Variants in SLC35A1 observed in about 807,000 individuals in gnomAD.
SLC35A1 encodes solute carrier family 35 member A1, also known as CMP-sialic acid transporter.
A neutral mutation model predicts 40.3 loss-of-function variants in SLC35A1; 21 were observed. The ratio of observed to expected loss-of-function variants is 0.52; its 90% CI spans 0.37 to 0.75. The LOEUF (loss-of-function observed/expected upper bound fraction) is 0.75, where lower values mean the gene tolerates loss of function less well. Among genes scored for constraint, SLC35A1 ranks in the 30% least tolerant of loss-of-function variants. The pLI is 0.00. For missense variants in SLC35A1, 297 were observed against 382.1 expected (o/e 0.78, Z 1.86); for synonymous variants, 146 against 147.3 (o/e 0.99, Z 0.06).
chr6:87,491,884 C>T (rs957050939), intron 2 of SLC35A1, among the ~76,000 whole-genome samples: 1 of 152,182 alleles, frequency 6.6e-6, no homozygotes, highest in African/African-American at 2.4e-5. Flanking sequence ...CTCACTAAAC[C>T]TAAGACCCTT....
In SLC35A1 at chr6:87,511,695, TA is replaced by T; in HGVS notation, c.*171del. The T allele has an allele frequency of 1.4e-6, 1 of 727,836 alleles. No homozygotes were observed. Among genetic ancestry groups the T allele is most frequent in the Middle Eastern group, 2.6e-4 (1 of 3,852 alleles). 45.1% of individuals were successfully genotyped at this position (727,836 alleles called of 1,614,324 possible). A position where few individuals can be genotyped will look rare whatever the true frequency, so the allele number is the denominator to read the frequency against. On this transcript the variant is annotated 3_prime_UTR_variant, in exon 8 of 8. Coordinates refer to ENST00000369552, the MANE Select transcript of SLC35A1 (RefSeq NM_006416.5). Reference sequence around the variant, plus strand: ...AAACGAAGCTATCTGAGTGAACTGCTAATACAGAAACTTAATGTAGACCTGT... The same window carrying T: ...AAACGAAGCTATCTGAGTGAACTGCTATACAGAAACTTAATGTAGACCTGT...
chr6:87,487,660 G>A (rs569467020), intron 2 of SLC35A1, among the ~76,000 whole-genome samples: 36 of 152,240 alleles, frequency 2.4e-4, no homozygotes, highest in Admixed American at 7.8e-4. Context: ...CAGACAGTGC[G>A]TCAGCCCTAC....
Position 87,507,655 on chromosome 6 carries a change from A to G in SLC35A1, c.575-765A>G, listed in dbSNP as rs574889268. Among the ~76,000 whole-genome samples the G allele has an allele frequency of 2.9e-4, 44 of 152,246 alleles. No individual in the cohort carries two copies. In the South Asian group the frequency reaches 9.1e-3, roughly 32 times the overall value. On this transcript the variant is annotated intron_variant, in intron 5 of 7. Transcript: ENST00000369552. Reference sequence around the variant, plus strand: ...GATAAGTACTTCATTGGCAGTTCCTAAGTCTCTAGCATGATATTTATAACT... The same window carrying G: ...GATAAGTACTTCATTGGCAGTTCCTGAGTCTCTAGCATGATATTTATAACT...
At chr6:87,497,362 C>T (rs115709722) in intron 2 of SLC35A1, among the ~76,000 whole-genome samples, 231 of 152,118 alleles carry the variant, frequency 1.5e-3, no homozygotes, top group African/African-American at 5.0e-3. Context: ...CCATCCTGAC[C>T]GTGAAAAAAT....
intron 2 of SLC35A1, among the ~76,000 whole-genome samples, chr6:87,494,547 C>T (rs1298849144): frequency 6.6e-6 from 1 of 151,550 alleles, no homozygotes; most frequent in African/African-American, 2.4e-5. Flanking sequence ...CTCAGCCTCG[C>T]GAGGAGCTGG....
chr6:87,482,924 G>A (rs758837574), intron 2 of SLC35A1, among the ~76,000 whole-genome samples: 7 of 152,254 alleles, frequency 4.6e-5, no homozygotes, highest in Admixed American at 3.9e-4. Context: ...AGCAGTTGCC[G>A]GTACAGATTG....
In SLC35A1 at chr6:87,508,846, G is replaced by C. The variant is rs540012506; in HGVS notation, c.752-195G>C. Among the ~76,000 whole-genome samples the C allele has an allele frequency of 3.3e-5, 5 of 151,498 alleles. No homozygotes were observed. In the South Asian group the frequency reaches 1.0e-3, roughly 32 times the overall value. ...TTTAATAGACCACATAGCCCTCTGG[G>C]CATTGTTTTGGAAAAACAGTGTTAT... On this transcript the variant is annotated intron_variant, in intron 6 of 7. Transcript: ENST00000369552.
chr6:87,490,266 A>G (rs1243603038), intron 2 of SLC35A1, among the ~76,000 whole-genome samples: 1 of 152,038 alleles, frequency 6.6e-6, no homozygotes, highest in Non-Finnish European at 1.5e-5. Context: ...TGAAAATTTT[A>G]GGATATTTAA....
intron 7 of SLC35A1, 117 bp from the exon 8 acceptor site, chr6:87,511,282 T>G (rs1390515725): frequency 8.8e-7 from 1 of 1,132,118 alleles, no homozygotes; most frequent in Non-Finnish European, 1.3e-6. Context: ...CTTGCCATCA[T>G]AAAAATATGA....
chr6:87,497,900 T>G (rs911314014), intron 2 of SLC35A1, among the ~76,000 whole-genome samples: 1 of 151,684 alleles, frequency 6.6e-6, no homozygotes, highest in Non-Finnish European at 1.5e-5. Flanking sequence ...GGCAGTTTTT[T>G]TTTTTTTTTT....
intron 7 of SLC35A1, among the ~76,000 whole-genome samples, chr6:87,510,736 C>T (rs913434828): frequency 6.6e-5 from 10 of 151,904 alleles, no homozygotes; most frequent in Admixed American, 1.3e-4. Context: ...TGGCTGGGCA[C>T]GGTGGCGCAT....
chr6:87,495,817 G>A (rs1769709824), intron 2 of SLC35A1, among the ~76,000 whole-genome samples: 4 of 151,808 alleles, frequency 2.6e-5, no homozygotes, highest in Admixed American at 2.0e-4. Context: ...CACCACGCCC[G>A]GCTAATTTTT....
At chr6:87,501,355 T>C in intron 4 of SLC35A1, 45 bp downstream of exon 4, 2 of 1,574,590 alleles carry the variant, frequency 1.3e-6, no homozygotes, top group Non-Finnish European at 8.7e-7. Context: ...AATAGAAAAC[T>C]TCCTTAAGTC....
At chr6:87,488,550 C>T (rs750878397) in intron 2 of SLC35A1, 2 of 152,184 alleles carry the variant, frequency 1.3e-5, no homozygotes, top group Non-Finnish European at 2.9e-5. Flanking sequence ...ATTCCACATT[C>T]AAAAAACAAA....
In SLC35A1 at chr6:87,506,475, CT is replaced by C. The variant is rs754078578; in HGVS notation, c.574+31del. ...TAAATCATGAAAGCATTGTTTTATTCTTTTGTCATATTTTTCGAAAACATCA... is the reference window on the plus strand; with the variant it reads ...TAAATCATGAAAGCATTGTTTTATTCTTTGTCATATTTTTCGAAAACATCA... On this transcript the variant is annotated intron_variant, in intron 5 of 7. Coordinates refer to ENST00000369552, the MANE Select transcript of SLC35A1 (RefSeq NM_006416.5). 71 of 1,598,562 alleles carry C rather than the reference CT, an allele frequency of 4.4e-5. No homozygotes were observed. The African/African-American group carries it at 9.2e-4, about 21-fold the overall frequency.
At chr6:87,499,259 A>G (rs1019545422) in intron 2 of SLC35A1, 4 of 262,678 alleles carry the variant, frequency 1.5e-5, no homozygotes, top group Middle Eastern at 1.9e-3. Context: ...TCAACTCACA[A>G]CTGTTGATTC....
chr6:87,510,814 TGAGCC>T (rs963798968), intron 7 of SLC35A1, among the ~76,000 whole-genome samples: 8 of 151,018 alleles, frequency 5.3e-5, no homozygotes, highest in Non-Finnish European at 5.9e-5. Context: ...GAGGTTGCGG[TGAGCC>T]GAGATTGCGC....
At chr6:87,481,616 A>G (rs2127964704) in intron 2 of SLC35A1, among the ~76,000 whole-genome samples, 1 of 152,314 alleles carries the variant, frequency 6.6e-6, no homozygotes, top group East Asian at 1.9e-4. Context: ...TCACCTTTAT[A>G]TTAGTGTATT....
chr6:87,504,271 G>GAAAA (rs1159630556), intron 4 of SLC35A1, among the ~76,000 whole-genome samples: 1 of 96,798 alleles, frequency 1.0e-5, no homozygotes, highest in Non-Finnish European at 2.4e-5. Context: ...GTCTCAAAAA[G>GAAAA]AAAAAAAAAA....
Sources: gnomAD v4.1 joint callset for allele counts (sites outside exome capture counted in the v4.1 genomes callset) on GRCh38, gnomAD v4.1.1 for gene constraint, MANE v1.5 for transcripts, NCBI Gene and HGNC (gene_info 2026-07-23, HGNC 2026-07-21) for gene names.